The following SENP6 variants were observed in gnomAD, a reference collection of about 807,000 sequenced individuals.
The protein encoded by SENP6 is SUMO specific peptidase 6, also known as sentrin-specific protease 6.
In SENP6, 41 loss-of-function variants were observed where a neutral mutation model predicts 134.5. The ratio of observed to expected loss-of-function variants is 0.30; its 90% CI spans 0.24 to 0.40. The LOEUF is 0.40. SENP6 is among the 10% of genes least tolerant of loss of function. The pLI is 1.00. For synonymous variants in SENP6, 395 were observed against 429.8 expected (o/e 0.92, Z 1.00); for missense variants, 1,248 against 1,312.5 (o/e 0.95, Z 0.76).
chr6:75,602,377 G>C lies in SENP6; in HGVS notation c.-148G>C. ...GGCCTGCCTTTGTATAGGCCCGTCT[G>C]AACGTGGGAGCGCAGCCCGCCTGAC... On this transcript the variant is annotated 5_prime_UTR_variant, in exon 1 of 24. Transcript: ENST00000447266. The C allele has an allele frequency of 1.1e-5, 10 of 913,796 alleles. No homozygotes were observed. The highest frequency in any genetic ancestry group is 1.5e-5 in the Non-Finnish European group (9 of 603,716). 56.6% of individuals were successfully genotyped at this position (913,796 alleles called of 1,614,324 possible).
At chr6:75,630,615 T>G (rs2149835824) in intron 3 of SENP6, among the ~76,000 whole-genome samples, 1 of 152,272 alleles carries the variant, frequency 6.6e-6, no homozygotes, top group East Asian at 1.9e-4. Flanking sequence ...TGAAAATGAG[T>G]GTGGAATTAA....
chr6:75,602,575 A>C lies in SENP6; in HGVS notation c.51A>C (p.Glu17Asp). 6.4e-7 allele frequency: 1 copy of C among 1,551,400 alleles called. No individual in the cohort carries two copies. Among genetic ancestry groups the C allele is most frequent in the Non-Finnish European group, 8.7e-7 (1 of 1,146,826 alleles). ...GCGCAGGGGAGATTACTTTTCTGGAAGGTACGTCTGTTTCTGCCCTTGACG... is the reference window on the plus strand; with the variant it reads ...GCGCAGGGGAGATTACTTTTCTGGACGGTACGTCTGTTTCTGCCCTTGACG... ...GGSAGEITFL[E>D]ALARSESKRD... The change falls in exon 1 of 24, where the codon GAA (glutamate) becomes GAC (aspartate). Residue 17 changes from glutamate to aspartate, a missense_variant and splice_region_variant. Coordinates refer to ENST00000447266, the MANE Select transcript of SENP6 (RefSeq NM_015571.4).
At chr6:75,706,121 A>C (rs1331556365) in intron 19 of SENP6, among the ~76,000 whole-genome samples, 1 of 151,344 alleles carries the variant, frequency 6.6e-6, no homozygotes, top group Non-Finnish European at 1.5e-5. Flanking sequence ...GAGCTCTTGT[A>C]AGAAATCTCC....
chr6:75,697,694 G>A (rs1286268871), intron 18 of SENP6, 177 bp downstream of exon 18: 1 of 527,234 alleles, frequency 1.9e-6, no homozygotes, highest in African/African-American at 1.9e-5. Flanking sequence ...AGTGAAGCAT[G>A]TAAGATATTG....
At chr6:75,668,790 T>G (rs900493445) in intron 10 of SENP6, among the ~76,000 whole-genome samples, 1 of 152,210 alleles carries the variant, frequency 6.6e-6, no homozygotes, top group Non-Finnish European at 1.5e-5. Context: ...ATGATGAATT[T>G]CCATGTAATG....
chr6:75,704,722 A>C (rs1019532052), intron 19 of SENP6, among the ~76,000 whole-genome samples: 2 of 152,184 alleles, frequency 1.3e-5, no homozygotes, highest in African/African-American at 4.8e-5. Flanking sequence ...TCAGACTATC[A>C]CATGGGGAGA....
At chr6:75,651,955 C>T (rs903637481) in intron 7 of SENP6, among the ~76,000 whole-genome samples, 7 of 152,112 alleles carry the variant, frequency 4.6e-5, no homozygotes, top group South Asian at 2.1e-4. Context: ...GCAGGAGGAT[C>T]GCTTGAGCCC....
chr6:75,616,964 A>C (rs747911492), intron 1 of SENP6, among the ~76,000 whole-genome samples: 2 of 151,968 alleles, frequency 1.3e-5, no homozygotes, highest in Non-Finnish European at 2.9e-5. Context: ...CCCAGGCTCA[A>C]TTGATCCTCC....
intron 3 of SENP6, among the ~76,000 whole-genome samples, chr6:75,628,702 T>C (rs1768882805): frequency 6.6e-6 from 1 of 152,122 alleles, no homozygotes. Flanking sequence ...GGAAATAGTT[T>C]TGCTATAGTA....
rs568748626 is a variant in SENP6 at position 75,702,856 on chromosome 6, A to G, written c.2500A>G (p.Ile834Val). Reference sequence around the variant, plus strand: ...GAAGATGCTAAACAAAAAACATTGCATAGCTGTAATTGATTCCAATCCTGG... The same window carrying G: ...GAAGATGCTAAACAAAAAACATTGCGTAGCTGTAATTGATTCCAATCCTGG... ...IKKMLNKKHC[I>V]AVIDSNPGQE... Residue 834 changes from isoleucine (I) to valine (V), a missense_variant, in exon 19 of 24, where the codon ATA (isoleucine) becomes GTA (valine). By Grantham distance (29) the Ile-to-Val change is conservative (BLOSUM62 3). Coordinates refer to ENST00000447266, the MANE Select transcript of SENP6 (RefSeq NM_015571.4). The G allele has an allele frequency of 3.7e-6, 6 of 1,614,174 alleles. No homozygotes were observed. In the East Asian group the frequency reaches 6.7e-5, roughly 18 times the overall value.
chr6:75,627,169 T>C (rs1281583431), intron 3 of SENP6, among the ~76,000 whole-genome samples: 2 of 151,884 alleles, frequency 1.3e-5, no homozygotes, highest in Admixed American at 1.3e-4. Flanking sequence ...ACCATGTTGG[T>C]CAGGCTGGTC....
chr6:75,668,576 T>A (rs1480471319), intron 10 of SENP6, among the ~76,000 whole-genome samples: 2 of 152,210 alleles, frequency 1.3e-5, no homozygotes, highest in Non-Finnish European at 2.9e-5. Context: ...TTTAAAACTA[T>A]GATATTGTCT....
intron 16 of SENP6, among the ~76,000 whole-genome samples, chr6:75,685,270 TG>T (rs1018520528): frequency 4.7e-4 from 72 of 151,806 alleles, no homozygotes; most frequent in African/African-American, 1.7e-3. Flanking sequence ...GGCATCTATT[TG>T]ATTCTTCTTT....
intron 1 of SENP6, among the ~76,000 whole-genome samples, chr6:75,616,783 C>T (rs1212516982): frequency 6.6e-6 from 1 of 150,750 alleles, no homozygotes; most frequent in Non-Finnish European, 1.5e-5. Flanking sequence ...GTGTAAAGAA[C>T]CCCAGTTCCT....
intron 19 of SENP6, among the ~76,000 whole-genome samples, chr6:75,704,242 G>A (rs908636063): frequency 2.6e-5 from 4 of 152,172 alleles, no homozygotes; most frequent in Admixed American, 1.3e-4. Context: ...CGGTCTTTGA[G>A]TTCTCTCTGT....
At chr6:75,692,146 G>T (rs146397987) in intron 16 of SENP6, among the ~76,000 whole-genome samples, 2 of 151,592 alleles carry the variant, frequency 1.3e-5, no homozygotes, top group African/African-American at 4.8e-5. Context: ...GTGAGCCACC[G>T]CGCCTGGCCT....
intron 5 of SENP6, among the ~76,000 whole-genome samples, chr6:75,635,781 A>G (rs551313387): frequency 9.2e-5 from 14 of 152,252 alleles, no homozygotes; most frequent in African/African-American, 3.1e-4. Context: ...GAGAATAAAC[A>G]ATAAAAGGAG....
At chr6:75,691,382 C>A (rs1463381846) in intron 16 of SENP6, among the ~76,000 whole-genome samples, 1 of 152,122 alleles carries the variant, frequency 6.6e-6, no homozygotes, top group Non-Finnish European at 1.5e-5. Flanking sequence ...CCTCCCACCA[C>A]TGTGCCCAGC....
intron 9 of SENP6, among the ~76,000 whole-genome samples, chr6:75,664,925 A>G (rs1772079568): frequency 6.6e-6 from 1 of 152,212 alleles, no homozygotes; most frequent in South Asian, 2.1e-4. Context: ...AACATCCGCA[A>G]CAAGGAACAA....
Sources: gnomAD v4.1 joint callset for allele counts (sites outside exome capture counted in the v4.1 genomes callset) on GRCh38, gnomAD v4.1.1 for gene constraint, MANE v1.5 for transcripts, NCBI Gene and HGNC (gene_info 2026-07-23, HGNC 2026-07-21) for gene names.